Variants in USP49 observed in about 807,000 individuals in gnomAD.
USP49 encodes ubiquitin specific peptidase 49.
USP49 carries 24 observed loss-of-function variants against 58.6 expected under a neutral mutation model. The ratio of observed to expected loss-of-function variants is 0.41; its 90% confidence interval spans 0.30 to 0.58. The LOEUF (loss-of-function observed/expected upper bound fraction) is 0.58, where lower values mean the gene tolerates loss of function less well. USP49 is among the 20% of genes least tolerant of loss of function. The pLI, the probability that USP49 is intolerant of heterozygous loss-of-function variation, is 0.30. For synonymous variants in USP49, 408 were observed against 365.1 expected, an observed-to-expected ratio of 1.12 and a Z score of -1.34; for missense variants, 703 against 866.1, an observed-to-expected ratio of 0.81 and a Z score of 2.36.
intron 3 of USP49, among the ~76,000 whole-genome samples, chr6:41,862,638 G>A (rs1360132971): frequency 6.6e-6 from 1 of 152,122 alleles, no homozygotes; most frequent in African/African-American, 2.4e-5. Flanking sequence ...GTGATTTAAT[G>A]AACTCAATTT....
intron 2 of USP49, among the ~76,000 whole-genome samples, chr6:41,875,652 TA>T (rs1004508597): frequency 6.6e-5 from 10 of 152,198 alleles, no homozygotes; most frequent in African/African-American, 2.4e-4. Context: ...TCCATTATTT[TA>T]CTATCAGCAA....
chr6:41,828,417 C>T (rs1773579545), intron 3 of USP49, among the ~76,000 whole-genome samples: 1 of 152,134 alleles, frequency 6.6e-6, no homozygotes, highest in South Asian at 2.1e-4. Flanking sequence ...CCACTGCACT[C>T]CAGCCTGGGA....
At chr6:41,865,624 AGCCACCATGC>A (rs1336924755) in intron 3 of USP49, among the ~76,000 whole-genome samples, 1 of 149,828 alleles carries the variant, frequency 6.7e-6, no homozygotes, top group Non-Finnish European at 1.5e-5. Flanking sequence ...TATAGGCATG[AGCCACCATGC>A]TCGGCTTGTT....
At chr6:41,804,920 G>T (rs938720975) in intron 4 of USP49, among the ~76,000 whole-genome samples, 1 of 151,994 alleles carries the variant, frequency 6.6e-6, no homozygotes, top group Non-Finnish European at 1.5e-5. Context: ...GGCTAATTTT[G>T]TATTTTTAGT....
chr6:41,850,462 A>AAAAT (rs1554146451), intron 3 of USP49, among the ~76,000 whole-genome samples: 83 of 146,618 alleles, frequency 5.7e-4, no homozygotes, highest in East Asian at 6.0e-4. Flanking sequence ...AAAAAAAAAA[A>AAAAT]AAATAAATAA....
At chr6:41,840,738 T>A (rs75505651) in intron 3 of USP49, among the ~76,000 whole-genome samples, 2,559 of 152,312 alleles carry the variant, frequency 0.017, 54 homozygotes, top group African/African-American at 0.051. Context: ...TGTCAAAGTC[T>A]TAGCCCAACC....
Position 41,806,328 on chromosome 6 carries a change from G to C in USP49, c.656C>G (p.Ala219Gly), listed in dbSNP as rs768267034. The change falls in exon 4 of 8, where the codon GCG (alanine) becomes GGG (glycine). Residue 219 changes from alanine (A) to glycine (G), a missense_variant. By Grantham distance (60) the Ala-to-Gly change is moderately conservative. Coordinates refer to ENST00000682992, the MANE Select transcript of USP49 (RefSeq NM_001286554.2). This position sits in a 1 kb window ranked among gnomAD's most constrained non-coding sequence, Gnocchi z 5.9. Reference sequence around the variant, plus strand: ...GGCGGGGCGCGAGGCAGCCGGGCCCGCGTCGCGGGGCGTGTGCAGGAGCAG... The same window carrying C: ...GGCGGGGCGCGAGGCAGCCGGGCCCCCGTCGCGGGGCGTGTGCAGGAGCAG... ...ARLLLHTPRDAGPAASRPAAL... is the reference protein window; with the variant it reads ...ARLLLHTPRDGGPAASRPAAL... 11 of 1,528,966 alleles carry C rather than the reference G, an allele frequency of 7.2e-6. No homozygotes were observed. The highest frequency in any genetic ancestry group is 4.1e-5 in the African/African-American group (3 of 73,022). 94.7% of individuals were successfully genotyped at this position (1,528,966 alleles called of 1,614,324 possible). A position where few individuals can be genotyped will look rare whatever the true frequency, so the allele number is the denominator to read the frequency against.
At position 41,794,149 on chromosome 6, in the gene USP49, T is replaced by C. The variant is rs1247491969; in HGVS notation, c.*2384A>G. On this transcript the variant is annotated 3_prime_UTR_variant, in exon 8 of 8. Transcript: ENST00000682992. ...TACTAACGTCCTAAGTGTCCAGTGC[T>C]GCCGCCTCTGGGTACCTGAGGTGTC... 1 of 152,274 alleles carries C rather than the reference T, an allele frequency of 6.6e-6. No homozygotes were observed. The allele number at this position is 152,274 out of a possible 1,614,324, so 9.4% of individuals were successfully genotyped here. A position where few individuals can be genotyped will look rare whatever the true frequency, so the allele number is the denominator to read the frequency against.
intron 3 of USP49, among the ~76,000 whole-genome samples, chr6:41,863,185 ACTTTCT>A (rs1325750369): frequency 1.3e-5 from 2 of 152,132 alleles, no homozygotes; most frequent in African/African-American, 4.8e-5. Flanking sequence ...TGAAAACCTG[ACTTTCT>A]CTTTAACTCC....
chr6:41,854,658 GTA>G (rs1774093828), intron 3 of USP49, among the ~76,000 whole-genome samples: 1 of 152,168 alleles, frequency 6.6e-6, no homozygotes, highest in African/African-American at 2.4e-5. Context: ...TTAGGTTGGT[GTA>G]TATGTGTGTG....
intron 3 of USP49, among the ~76,000 whole-genome samples, chr6:41,871,260 A>G (rs1774408088): frequency 6.6e-6 from 1 of 152,154 alleles, no homozygotes; most frequent in Non-Finnish European, 1.5e-5. Context: ...GTCATGACAG[A>G]TACGATCTCT....
At chr6:41,841,014 CA>C (rs1246199740) in intron 3 of USP49, among the ~76,000 whole-genome samples, 48 of 134,698 alleles carry the variant, frequency 3.6e-4, no homozygotes, top group Admixed American at 4.5e-4. Flanking sequence ...GACCTTGTTT[CA>C]AAAAAAAAAA....
At chr6:41,797,658 C>T (rs1772909397) in intron 7 of USP49, 1 of 985,710 alleles carries the variant, frequency 1.0e-6, no homozygotes, top group Non-Finnish European at 1.2e-6. Flanking sequence ...ATGTTCTCGG[C>T]TTTATTATAA....
At chr6:41,817,552 TG>T in intron 3 of USP49, among the ~76,000 whole-genome samples, 1 of 138,876 alleles carries the variant, frequency 7.2e-6, no homozygotes, top group Admixed American at 7.4e-5. Flanking sequence ...CTCCACCCAC[TG>T]GGTTCAAGTG....
At chr6:41,857,191 T>G (rs959747361) in intron 3 of USP49, among the ~76,000 whole-genome samples, 3 of 152,192 alleles carry the variant, frequency 2.0e-5, no homozygotes, top group African/African-American at 7.2e-5. Context: ...TTTATCTTAG[T>G]GCTAAAGTGA....
chr6:41,852,026 A>AT (rs1314266440), intron 3 of USP49, among the ~76,000 whole-genome samples: 3 of 150,176 alleles, frequency 2.0e-5, no homozygotes, highest in Admixed American at 6.7e-5. Flanking sequence ...GATCTAATAT[A>AT]TAGAAAATCC....
At position 41,806,112 on chromosome 6, in the gene USP49, T is replaced by C. The variant is rs763647877; in HGVS notation, c.872A>G (p.His291Arg). 1.1e-5 allele frequency: 18 copies of C among 1,613,852 alleles called. No homozygotes were observed. The South Asian group carries it at 1.5e-4, about 14-fold the overall frequency. Residue 291 changes from histidine (H) to arginine (R), a missense_variant, in exon 4 of 8, where the codon CAT becomes CGT. This residue lies in a region of USP49 where 97 missense variants were observed against 88.0 expected (regional missense o/e 1.10). Transcript: ENST00000682992. The surrounding 1 kb of genome is among the most constrained non-coding windows in gnomAD (Gnocchi z 5.9). ...CCCGTTGGTGGCTTTGGGAAACAGA[T>C]GTTCCGTTTTGGAAGGGTCAAGGTT... is the stretch of plus-strand genomic sequence containing the variant. ...FLNLDPSKTE[H>R]LFPKATNGKT...
intron 3 of USP49, among the ~76,000 whole-genome samples, chr6:41,844,723 C>T (rs1442207821): frequency 6.6e-6 from 1 of 150,698 alleles, no homozygotes; most frequent in African/African-American, 2.4e-5. Context: ...CAGTGATATC[C>T]ATTTATACAT....
At chr6:41,885,752 T>G (rs577929084) in intron 2 of USP49, among the ~76,000 whole-genome samples, 1 of 152,050 alleles carries the variant, frequency 6.6e-6, no homozygotes, top group South Asian at 2.1e-4. Context: ...GCCGAGATCA[T>G]GCTACTGCAC....
Sources: gnomAD v4.1 joint callset for allele counts (sites outside exome capture counted in the v4.1 genomes callset) on GRCh38, gnomAD v4.1.1 for gene constraint, gnomAD v4.1.1 regional missense constraint, Gnocchi (gnomAD v3.1) non-coding constraint, MANE v1.5 for transcripts, NCBI Gene and HGNC (gene_info 2026-07-23, HGNC 2026-07-21) for gene names.